Variants in FARS2 observed in about 807,000 individuals in gnomAD.
FARS2 encodes phenylalanyl-tRNA synthetase 2, mitochondrial, also known as phenylalanine--tRNA ligase, mitochondrial.
A neutral mutation model predicts 46.4 loss-of-function variants in FARS2; 40 were observed. The observed-to-expected ratio is 0.86, with a 90% CI of 0.67 to 1.12. The LOEUF (loss-of-function observed/expected upper bound fraction) is 1.12. FARS2 is among the 50% of genes most tolerant of loss of function. The pLI is 0.00. For missense variants in FARS2, 513 were observed against 567.9 expected, an observed-to-expected ratio of 0.90 and a Z score of 0.98; for synonymous variants, 234 against 214.9, an observed-to-expected ratio of 1.09 and a Z score of -0.78.
intron 1 of FARS2, among the ~76,000 whole-genome samples, chr6:5,303,917 A>G (rs1561944319): frequency 6.6e-6 from 1 of 152,034 alleles, no homozygotes; most frequent in Non-Finnish European, 1.5e-5. Flanking sequence ...CCAAGTACGC[A>G]ACACCTCCAG....
chr6:5,612,221 G>C (rs779840350), intron 5 of FARS2, among the ~76,000 whole-genome samples: 1 of 152,186 alleles, frequency 6.6e-6, no homozygotes, highest in East Asian at 1.9e-4. Flanking sequence ...CAGATACTTT[G>C]CCATTTAAAA....
chr6:5,705,611 C>T (rs1418747358), intron 6 of FARS2, among the ~76,000 whole-genome samples: 1 of 152,230 alleles, frequency 6.6e-6, no homozygotes, highest in Admixed American at 6.5e-5. Flanking sequence ...ATTCTCCCCA[C>T]TGAAACCCAG....
intron 4 of FARS2, among the ~76,000 whole-genome samples, chr6:5,475,480 A>G (rs1766067700): frequency 6.6e-6 from 1 of 152,176 alleles, no homozygotes; most frequent in Non-Finnish European, 1.5e-5. Context: ...ACAGATGAGA[A>G]GACGTTGCAT....
In FARS2 at chr6:5,405,788, G is replaced by A. The variant is rs151262696; in HGVS notation, c.772+1087G>A. On this transcript the variant is annotated intron_variant, in intron 3 of 6. Transcript: ENST00000274680. ...ATTACAGGCGTGATCCACGGCGCCC[G>A]GCCCAGTGGAGCAAGGTTCTTAACC... 7.9e-5 allele frequency among the ~76,000 whole-genome samples: 12 copies of A among 151,526 alleles called. No individual in the cohort carries two copies. In the East Asian group the frequency reaches 1.8e-3, roughly 22 times the overall value.
intron 1 of FARS2, among the ~76,000 whole-genome samples, chr6:5,353,748 T>TTTTG (rs1757734754): frequency 7.1e-6 from 1 of 141,820 alleles, no homozygotes; most frequent in Non-Finnish European, 1.5e-5. Context: ...TTTTTTTTTT[T>TTTTG]GCTATTGAGT....
intron 4 of FARS2, among the ~76,000 whole-genome samples, chr6:5,473,412 C>T (rs994380673): frequency 1.3e-5 from 2 of 151,776 alleles, no homozygotes; most frequent in East Asian, 2.0e-4. Context: ...CTGTAGTCCC[C>T]GCTACTTGGG....
At chr6:5,726,268 G>C (rs1017958630) in intron 6 of FARS2, among the ~76,000 whole-genome samples, 1 of 151,988 alleles carries the variant, frequency 6.6e-6, no homozygotes. Flanking sequence ...TGCTGCCCAC[G>C]CGTAGACTTG....
intron 4 of FARS2, among the ~76,000 whole-genome samples, chr6:5,515,940 T>C (rs1375815821): frequency 6.6e-6 from 1 of 152,242 alleles, no homozygotes; most frequent in Non-Finnish European, 1.5e-5. Flanking sequence ...TGCACAGCCC[T>C]ATGTGTGTAA....
At chr6:5,631,397 A>G (rs1458204099) in intron 6 of FARS2, among the ~76,000 whole-genome samples, 4 of 152,270 alleles carry the variant, frequency 2.6e-5, no homozygotes, top group African/African-American at 7.2e-5. Flanking sequence ...TATTCTTAGC[A>G]TAGTTTAAGT....
At chr6:5,533,241 T>G (rs1769977975) in intron 4 of FARS2, among the ~76,000 whole-genome samples, 2 of 152,190 alleles carry the variant, frequency 1.3e-5, no homozygotes, top group African/African-American at 2.4e-5. Context: ...TTACTTTGTG[T>G]GTTCCAATTC....
intron 6 of FARS2, among the ~76,000 whole-genome samples, chr6:5,761,799 T>G (rs1582895962): frequency 7.7e-6 from 1 of 130,312 alleles, no homozygotes. Flanking sequence ...GCATTAAGAG[T>G]GGAGGATCTA....
chr6:5,574,085 C>A (rs1262521913), intron 5 of FARS2, among the ~76,000 whole-genome samples: 2 of 152,146 alleles, frequency 1.3e-5, no homozygotes, highest in Admixed American at 1.3e-4. Context: ...ATGCTAATTG[C>A]ATGTGCTTCT....
At chr6:5,260,518 C>G (rs114666246), upstream of FARS2, 5,683 of 1,260,864 alleles carry the variant, frequency 4.5e-3, 161 homozygotes, top group African/African-American at 0.067. Context: ...TGGCGGAGCC[C>G]GGTCCTTGCC....
chr6:5,688,630 G>A (rs533967127), intron 6 of FARS2, among the ~76,000 whole-genome samples: 59 of 152,324 alleles, frequency 3.9e-4, no homozygotes, highest in African/African-American at 1.4e-3. Context: ...TTTTTGCATT[G>A]ATGTTCATGA....
At chr6:5,275,875 G>A (rs550617838) in intron 1 of FARS2, among the ~76,000 whole-genome samples, 5 of 151,402 alleles carry the variant, frequency 3.3e-5, no homozygotes, top group African/African-American at 4.9e-5. Context: ...TATCTCTTGC[G>A]TTACGATATA....
intron 6 of FARS2, among the ~76,000 whole-genome samples, chr6:5,649,652 T>G (rs529737099): frequency 1.3e-5 from 2 of 152,224 alleles, no homozygotes; most frequent in Non-Finnish European, 2.9e-5. Flanking sequence ...ACTGCAGCTA[T>G]TACCATTTTA....
upstream of FARS2, among the ~76,000 whole-genome samples, chr6:5,257,195 G>A (rs111274727): frequency 4.4e-3 from 668 of 152,122 alleles, 3 homozygotes; most frequent in African/African-American, 0.015. Context: ...TCCTCAGCAC[G>A]GCCCCCAGGC....
intron 4 of FARS2, among the ~76,000 whole-genome samples, chr6:5,534,933 G>C (rs972931313): frequency 1.6e-4 from 25 of 151,824 alleles, no homozygotes; most frequent in African/African-American, 4.6e-4. Context: ...AACTTTCTGA[G>C]AAACTGCCAA....
intron 2 of FARS2, among the ~76,000 whole-genome samples, chr6:5,402,917 C>T (rs1761346709): frequency 6.6e-6 from 1 of 152,132 alleles, no homozygotes; most frequent in Non-Finnish European, 1.5e-5. Context: ...ACTCATTCTC[C>T]TCTCTTTCTC....
Sources: allele counts gnomAD v4.1 joint callset (sites outside exome capture counted in the v4.1 genomes callset), GRCh38; gene constraint gnomAD v4.1.1; transcripts MANE v1.5; gene names NCBI Gene and HGNC (gene_info 2026-07-23, HGNC 2026-07-21).